The following GPC5 variants were observed in gnomAD, a reference collection of about 807,000 sequenced individuals.
GPC5 encodes the protein glypican 5, also known as glypican-5.
Under a neutral mutation model 53.9 loss-of-function variants are expected in GPC5, and 47 were observed. That is an observed-to-expected ratio of 0.87 (90% CI 0.69 to 1.11). The LOEUF is 1.11. GPC5 is among the 50% of genes most tolerant of loss of function. The pLI, the probability that GPC5 is intolerant of heterozygous loss-of-function variation, is 0.00. For missense variants in GPC5, 748 were observed against 713.1 expected, an observed-to-expected ratio of 1.05 and a Z score of -0.56; for synonymous variants, 286 against 263.3, an observed-to-expected ratio of 1.09 and a Z score of -0.84.
At chr13:91,669,874 G>A (rs1275531109) in intron 2 of GPC5, among the ~76,000 whole-genome samples, 1 of 152,192 alleles carries the variant, frequency 6.6e-6, no homozygotes, top group Non-Finnish European at 1.5e-5. Context: ...GAAGGTGAGA[G>A]TCTCACATGG....
chr13:92,514,115 CT>C (rs2138957179), intron 7 of GPC5, among the ~76,000 whole-genome samples: 1 of 150,420 alleles, frequency 6.6e-6, no homozygotes, highest in South Asian at 2.1e-4. Context: ...ATGATTTTTA[CT>C]GAAGGTTTTG....
intron 5 of GPC5, among the ~76,000 whole-genome samples, chr13:91,846,740 A>G (rs2038853449): frequency 6.6e-6 from 1 of 152,128 alleles, no homozygotes; most frequent in Non-Finnish European, 1.5e-5. Context: ...CTTTCATCAG[A>G]TTGGCCAGTC....
chr13:92,779,150 A>G (rs1351208663), intron 7 of GPC5, among the ~76,000 whole-genome samples: 1 of 152,166 alleles, frequency 6.6e-6, no homozygotes, highest in Non-Finnish European at 1.5e-5. Context: ...AGAAAGGTAT[A>G]TCTCACATGG....
chr13:91,949,499 A>G (rs1272758281), intron 6 of GPC5, among the ~76,000 whole-genome samples: 1 of 152,230 alleles, frequency 6.6e-6, no homozygotes, highest in African/African-American at 2.4e-5. Flanking sequence ...TTTATGGTTC[A>G]GGAGATACCT....
intron 7 of GPC5, among the ~76,000 whole-genome samples, chr13:92,275,029 T>C (rs1185921808): frequency 2.0e-5 from 3 of 152,062 alleles, no homozygotes; most frequent in Non-Finnish European, 1.5e-5. Flanking sequence ...ATGCAGAAAA[T>C]CCCTTCCCTT....
intron 6 of GPC5, among the ~76,000 whole-genome samples, chr13:91,997,078 T>G (rs2040510398): frequency 6.6e-6 from 1 of 152,152 alleles, no homozygotes; most frequent in South Asian, 2.1e-4. Flanking sequence ...TTGGTACATG[T>G]GAAGACACAT....
chr13:92,342,367 T>G (rs778503581), intron 7 of GPC5, among the ~76,000 whole-genome samples: 6 of 152,144 alleles, frequency 3.9e-5, no homozygotes, highest in Non-Finnish European at 5.9e-5. Context: ...GTCTAAATGT[T>G]TGTGTATGAA....
chr13:91,822,361 A>G (rs1054066558), intron 5 of GPC5, among the ~76,000 whole-genome samples: 2 of 152,180 alleles, frequency 1.3e-5, no homozygotes, highest in Admixed American at 1.3e-4. Flanking sequence ...CATTTGCTGC[A>G]CTTTTGTCTG....
intron 7 of GPC5, among the ~76,000 whole-genome samples, chr13:92,238,735 G>T: frequency 6.7e-6 from 1 of 150,066 alleles, no homozygotes; most frequent in Non-Finnish European, 1.5e-5. Context: ...ATCTTGGTGG[G>T]GTTACTTTGA....
intron 3 of GPC5, among the ~76,000 whole-genome samples, chr13:91,696,951 A>G (rs2035891328): frequency 6.6e-6 from 1 of 152,174 alleles, no homozygotes; most frequent in South Asian, 2.1e-4. Context: ...CTCTGAGTTT[A>G]CGCATTTGCT....
chr13:92,819,925 T>G (rs1189862130), intron 7 of GPC5, among the ~76,000 whole-genome samples: 3 of 152,190 alleles, frequency 2.0e-5, no homozygotes, highest in Non-Finnish European at 4.4e-5. Context: ...GAAACCAACC[T>G]CATGGCTTTC....
chr13:91,843,587 C>T (rs1336014840), intron 5 of GPC5, among the ~76,000 whole-genome samples: 1 of 152,144 alleles, frequency 6.6e-6, no homozygotes, highest in Non-Finnish European at 1.5e-5. Flanking sequence ...TTTAAAACAA[C>T]TGAGAAATTA....
At chr13:92,519,069 G>A (rs982610214) in intron 7 of GPC5, among the ~76,000 whole-genome samples, 8 of 152,166 alleles carry the variant, frequency 5.3e-5, no homozygotes, top group African/African-American at 9.7e-5. Flanking sequence ...AATTCAACAA[G>A]AAGACCTAAC....
intron 6 of GPC5, among the ~76,000 whole-genome samples, chr13:91,915,024 A>T (rs1389015857): frequency 6.6e-6 from 1 of 151,836 alleles, no homozygotes; most frequent in African/African-American, 2.4e-5. Flanking sequence ...ACTTGTATAG[A>T]CTCTTTCCCT....
chr13:92,405,237 C>T (rs537543878), intron 7 of GPC5, among the ~76,000 whole-genome samples: 1 of 152,190 alleles, frequency 6.6e-6, no homozygotes, highest in Non-Finnish European at 1.5e-5. Context: ...TCGGAGGGCA[C>T]AGTCACACAC....
intron 7 of GPC5, among the ~76,000 whole-genome samples, chr13:92,440,416 G>T (rs1250413205): frequency 1.3e-5 from 2 of 152,050 alleles, no homozygotes; most frequent in Non-Finnish European, 2.9e-5. Context: ...CATCTATGTT[G>T]CTGCAAAGGC....
intron 6 of GPC5, among the ~76,000 whole-genome samples, chr13:92,083,985 A>C (rs575234188): frequency 2.0e-5 from 3 of 152,356 alleles, no homozygotes; most frequent in Non-Finnish European, 2.9e-5. Context: ...ACATGGATGG[A>C]GCTGGAAGCC....
chr13:91,753,509 GGTTTCTCCT>G (rs1264764536), intron 4 of GPC5, among the ~76,000 whole-genome samples: 3 of 151,944 alleles, frequency 2.0e-5, no homozygotes, highest in Admixed American at 1.3e-4. Flanking sequence ...ACATCCTCAG[GGTTTCTCCT>G]GCTCAGGTTA....
rs188105636 is a variant in GPC5, at chr13:92,343,343, A to G, written c.1561+198354A>G. Among the ~76,000 whole-genome samples the G allele has an allele frequency of 9.3e-4, 142 of 152,306 alleles. 1 individual carries two copies. The highest frequency in any genetic ancestry group is 3.2e-3 in the African/African-American group (132 of 41,572). On this transcript the variant is annotated intron_variant, in intron 7 of 7. Coordinates refer to ENST00000377067, the MANE Select transcript of GPC5 (RefSeq NM_004466.6). ...AGCAAGTGAGATTCAATTGCCCTATATTATGAAAAAGCGTATAATGCTTTC... is the reference window on the plus strand; with the variant it reads ...AGCAAGTGAGATTCAATTGCCCTATGTTATGAAAAAGCGTATAATGCTTTC...
Sources: allele counts gnomAD v4.1 joint callset (sites outside exome capture counted in the v4.1 genomes callset), GRCh38; gene constraint gnomAD v4.1.1; transcripts MANE v1.5; gene names NCBI Gene and HGNC (gene_info 2026-07-23, HGNC 2026-07-21).